The following RANBP2 variants were observed in gnomAD, a reference collection of about 807,000 sequenced individuals.
RANBP2 encodes the protein RAN binding protein 2.
A neutral mutation model predicts 303.6 loss-of-function variants in RANBP2; 57 were observed. The ratio of observed to expected loss-of-function variants is 0.19; its 90% confidence interval spans 0.15 to 0.23. RANBP2 has a LOEUF of 0.23. Ranked by LOEUF, RANBP2 falls within the 10% of genes least tolerant of loss-of-function variation. RANBP2 has a pLI of 1.00. For missense variants in RANBP2, 3,138 were observed against 3,780.8 expected (o/e 0.83, Z 4.46); for synonymous variants, 1,167 against 1,301.5 (o/e 0.90, Z 2.23).
At chr2:109,535,919 T>C in the RANBP2 span, among the ~76,000 whole-genome samples, 1 of 152,166 alleles carries the variant, frequency 6.6e-6, no homozygotes, top group Non-Finnish European at 1.5e-5. Flanking sequence ...CTTTTAAACC[T>C]GGCAGCTTCC....
At chr2:108,788,843 CGTT>C (rs1558958295), downstream of RANBP2, 4 of 1,613,664 alleles carry the variant, frequency 2.5e-6, no homozygotes, top group Non-Finnish European at 3.4e-6. Flanking sequence ...GTTTCTTTGT[CGTT>C]GACAGGTGAT....
At chr2:108,751,789 A>C in intron 11 of RANBP2, 82 bp from the exon 12 acceptor site, 1 of 1,611,916 alleles carries the variant, frequency 6.2e-7, no homozygotes, top group Non-Finnish European at 8.5e-7. Flanking sequence ...TTAATTTGTC[A>C]TGTGACCCAT....
the RANBP2 span, among the ~76,000 whole-genome samples, chr2:109,661,273 G>C: frequency 6.8e-6 from 1 of 147,454 alleles, no homozygotes; most frequent in Non-Finnish European, 1.5e-5. Flanking sequence ...CTGAGACGGA[G>C]TTTCACCCTG....
the RANBP2 span, among the ~76,000 whole-genome samples, chr2:109,386,385 C>G: frequency 1.3e-5 from 2 of 151,948 alleles, no homozygotes; most frequent in Non-Finnish European, 2.9e-5. Context: ...GACCAAACAC[C>G]AGGGGGCCGC....
the RANBP2 span, among the ~76,000 whole-genome samples, chr2:109,077,984 T>A: frequency 0.014 from 1,976 of 146,022 alleles, 64 homozygotes; most frequent in African/African-American, 0.046. Context: ...ATGAACTCAG[T>A]ATCTTGAAGA....
chr2:109,667,244 G>A, the RANBP2 span: 613 of 909,782 alleles, frequency 6.7e-4, no homozygotes, highest in Non-Finnish European at 6.5e-4. Flanking sequence ...CAGGCAAGGT[G>A]CTGAAGGACA....
chr2:109,691,588 G>A, the RANBP2 span, among the ~76,000 whole-genome samples: 1 of 152,068 alleles, frequency 6.6e-6, no homozygotes, highest in Non-Finnish European at 1.5e-5. Context: ...GGGGACTTGG[G>A]GGTACCTCAG....
At chr2:109,304,322 T>C in the RANBP2 span, among the ~76,000 whole-genome samples, 1 of 152,200 alleles carries the variant, frequency 6.6e-6, no homozygotes, top group Non-Finnish European at 1.5e-5. Context: ...CTCCAACATA[T>C]AAGTGAGATC....
In RANBP2 at chr2:108,735,832, A is replaced by G. The variant is rs191815774; in HGVS notation, c.636+70A>G. On this transcript the variant is annotated intron_variant, in intron 5 of 28. Coordinates refer to ENST00000283195, the MANE Select transcript of RANBP2 (RefSeq NM_006267.5). Reference sequence around the variant, plus strand: ...AGCATACATCTTTTTGTACTAAAGCAGCAGTGCCCCGCAGGACTTAAAATT... The same window carrying G: ...AGCATACATCTTTTTGTACTAAAGCGGCAGTGCCCCGCAGGACTTAAAATT... 1.2e-4 allele frequency: 198 copies of G among 1,597,418 alleles called. 1 individual carries two copies. In the African/African-American group the frequency reaches 2.4e-3, roughly 19 times the overall value.
the RANBP2 span, among the ~76,000 whole-genome samples, chr2:109,266,776 G>C: frequency 1.3e-5 from 2 of 152,182 alleles, no homozygotes; most frequent in Admixed American, 1.3e-4. Flanking sequence ...AGGGGTGAGC[G>C]TGTGCCCACT....
the RANBP2 span, among the ~76,000 whole-genome samples, chr2:109,177,821 T>G: frequency 1.3e-5 from 2 of 152,226 alleles, no homozygotes; most frequent in Non-Finnish European, 2.9e-5. Flanking sequence ...TTTGTTTGAT[T>G]TATTCTGGCC....
chr2:108,957,359 G>GTCAC, the RANBP2 span, among the ~76,000 whole-genome samples: 1 of 152,242 alleles, frequency 6.6e-6, no homozygotes, highest in Admixed American at 6.5e-5. Context: ...AAAGGTCTTA[G>GTCAC]TCACTGGTTT....
In RANBP2 at chr2:108,783,872, A is replaced by G. The variant is rs1055694105; in HGVS notation, c.9646A>G (p.Ile3216Val). The change falls in exon 29 of 29, where the codon ATA becomes GTA. Residue 3216 changes from isoleucine (I) to valine (V), a missense_variant. This residue lies in a region of RANBP2 where 22 missense variants were observed against 48.8 expected (regional missense o/e 0.45). Transcript: ENST00000283195. ...TCCCAAAGGGTCTGTTTGTCGAAGA[A>G]TAACTATCACAGAATGTGGACAGAT... ...GSPKGSVCRR[I>V]TITECGQI The G allele has an allele frequency of 6.2e-7, 1 of 1,612,854 alleles. No individual in the cohort carries two copies. The highest frequency in any genetic ancestry group is 2.2e-5 in the East Asian group (1 of 44,834).
chr2:109,209,756 T>C, the RANBP2 span, among the ~76,000 whole-genome samples: 1 of 152,294 alleles, frequency 6.6e-6, no homozygotes, highest in Non-Finnish European at 1.5e-5. Context: ...TGAGAGTAAA[T>C]GGTTTGTTCA....
the RANBP2 span, chr2:108,895,874 A>AAGTC: frequency 6.6e-6 from 1 of 152,216 alleles, no homozygotes; most frequent in African/African-American, 2.4e-5. Context: ...GCTAATCCAC[A>AAGTC]AGTCTTAGAT....
At chr2:109,542,710 T>G in the RANBP2 span, among the ~76,000 whole-genome samples, 1 of 152,230 alleles carries the variant, frequency 6.6e-6, no homozygotes, top group Non-Finnish European at 1.5e-5. Context: ...TTCTATGACA[T>G]GTATAATTTA....
the RANBP2 span, among the ~76,000 whole-genome samples, chr2:109,639,963 G>A: frequency 1.8e-4 from 28 of 151,378 alleles, no homozygotes; most frequent in Admixed American, 1.8e-3. Flanking sequence ...CACCCACCTC[G>A]GCCTCCCAAA....
the RANBP2 span, among the ~76,000 whole-genome samples, chr2:109,209,316 G>A: frequency 1.2e-4 from 18 of 152,168 alleles, no homozygotes; most frequent in Non-Finnish European, 2.2e-4. Context: ...GACCATGACT[G>A]AGTTTTCTTG....
chr2:109,072,827 C>T, the RANBP2 span, among the ~76,000 whole-genome samples: 1 of 152,088 alleles, frequency 6.6e-6, no homozygotes, highest in Non-Finnish European at 1.5e-5. Context: ...TCCTGACTCA[C>T]CTGTCTCAGG....
Sources: allele counts gnomAD v4.1 joint callset (sites outside exome capture counted in the v4.1 genomes callset), GRCh38; gene constraint gnomAD v4.1.1; regional missense constraint gnomAD v4.1.1; transcripts MANE v1.5; gene names NCBI Gene and HGNC (gene_info 2026-07-23, HGNC 2026-07-21).